The following PTPRQ variants were observed in gnomAD, a reference collection of about 807,000 sequenced individuals.
PTPRQ encodes phosphatidylinositol phosphatase PTPRQ.
Under a neutral mutation model 246.0 loss-of-function variants are expected in PTPRQ, and 199 were observed. The ratio of observed to expected loss-of-function variants is 0.81; its 90% CI spans 0.72 to 0.91. PTPRQ has a LOEUF of 0.91. Ranked by LOEUF, PTPRQ falls within the 40% of genes least tolerant of loss-of-function variation. PTPRQ has a pLI of 0.00. For missense variants in PTPRQ, 2,624 were observed against 2,528.4 expected, an observed-to-expected ratio of 1.04 and a Z score of -0.81; for synonymous variants, 869 against 853.2, an observed-to-expected ratio of 1.02 and a Z score of -0.32.
chr12:80,493,330 GATT>G lies in PTPRQ; in HGVS notation c.1418_1420del (p.Leu473del). ...GTGAACATAGTAGAGCCAATGGTAG[GATT>G]ATATGAGGGTTCAGCAGAGATGTCG... On this transcript the variant is annotated inframe_deletion, in exon 10 of 45. Transcript: ENST00000644991. 6.5e-7 allele frequency: 1 copy of G among 1,549,290 alleles called. No individual in the cohort carries two copies. Among genetic ancestry groups the G allele is most frequent in the Non-Finnish European group, 8.7e-7 (1 of 1,145,530 alleles).
chr12:80,585,055 A>C (rs1294760767), intron 25 of PTPRQ, among the ~76,000 whole-genome samples: 1 of 151,886 alleles, frequency 6.6e-6, no homozygotes, highest in African/African-American at 2.4e-5. Context: ...TGAAATCCAA[A>C]ATTTTAACTG....
At position 80,636,549 on chromosome 12, in the gene PTPRQ, T is replaced by C. The variant is rs113849856; in HGVS notation, c.5915+1476T>C. Among the ~76,000 whole-genome samples the C allele has an allele frequency of 7.9e-3, 1,204 of 152,188 alleles. 14 individuals are homozygous for C. Among genetic ancestry groups the C allele is most frequent in the African/African-American group, 0.027 (1,120 of 41,528 alleles). On this transcript the variant is annotated intron_variant, in intron 35 of 44. Transcript: ENST00000644991. ...TTCCTTTTGCCCCTCCTCAGGCCTGTGTGGCCCATCCCTTTATTCTACAAC... is the reference window on the plus strand; with the variant it reads ...TTCCTTTTGCCCCTCCTCAGGCCTGCGTGGCCCATCCCTTTATTCTACAAC...
At chr12:80,524,866 C>G (rs955998802) in intron 17 of PTPRQ, among the ~76,000 whole-genome samples, 1 of 152,116 alleles carries the variant, frequency 6.6e-6, no homozygotes, top group Admixed American at 6.6e-5. Flanking sequence ...TCAAATTATG[C>G]TTTTACTACA....
chr12:80,448,534 C>T, intron 3 of PTPRQ, among the ~76,000 whole-genome samples: 1 of 151,724 alleles, frequency 6.6e-6, no homozygotes, highest in Non-Finnish European at 1.5e-5. Flanking sequence ...CTCCCCCCAC[C>T]CCACAACAGT....
At chr12:80,459,541 A>C (rs941016361) in intron 5 of PTPRQ, 58 bp downstream of exon 5, 1 of 397,776 alleles carries the variant, frequency 2.5e-6, no homozygotes, top group African/African-American at 2.1e-5. Flanking sequence ...TTTAATTTTC[A>C]TATTTCTAGC....
intron 17 of PTPRQ, chr12:80,512,498 G>C (rs956548860): frequency 6.6e-6 from 1 of 152,072 alleles, no homozygotes; most frequent in Non-Finnish European, 1.5e-5. Context: ...AATGTCTAAA[G>C]GTACCAGGAT....
intron 38 of PTPRQ, among the ~76,000 whole-genome samples, chr12:80,655,413 T>C (rs566862779): frequency 6.6e-6 from 1 of 152,310 alleles, no homozygotes; most frequent in African/African-American, 2.4e-5. Context: ...TCATTTCCTT[T>C]TAAGAGCTGC....
At chr12:80,530,516 T>C (rs908330322) in intron 17 of PTPRQ, among the ~76,000 whole-genome samples, 6 of 152,204 alleles carry the variant, frequency 3.9e-5, no homozygotes, top group Admixed American at 1.3e-4. Flanking sequence ...GTCTAACGAA[T>C]GGTGTCTAAA....
In PTPRQ at chr12:80,632,063, T is replaced by G. The variant is rs1186932137; in HGVS notation, c.5687-129T>G. The G allele has an allele frequency of 2.4e-6, 3 of 1,250,108 alleles. No homozygotes were observed. In the Admixed American group the frequency reaches 8.8e-5, roughly 37 times the overall value. 77.4% of individuals were successfully genotyped at this position (1,250,108 alleles called of 1,614,324 possible). On this transcript the variant is annotated intron_variant, in intron 33 of 44. Transcript: ENST00000644991. ...TCTAGGAGAAGAGGAACAAACAAGC[T>G]GCTACATTTTACTAGTATTCTTCAG...
At position 80,613,491 on chromosome 12, in the gene PTPRQ, G is replaced by A. The variant is rs375290279; in HGVS notation, c.4919-101G>A. 4.1e-6 allele frequency: 5 copies of A among 1,225,180 alleles called. No homozygotes were observed. In the African/African-American group the frequency reaches 7.8e-5, roughly 19 times the overall value. 75.9% of individuals were successfully genotyped at this position (1,225,180 alleles called of 1,614,324 possible). On this transcript the variant is annotated intron_variant, in intron 28 of 44. Coordinates refer to ENST00000644991, the MANE Select transcript of PTPRQ (RefSeq NM_001145026.2). The stretch of plus-strand genomic sequence containing the variant: ...TGCAGTTTATATGGTTTAATTTGTG[G>A]AATACTCTTTAAAAACAGAAGTTCA...
intron 25 of PTPRQ, among the ~76,000 whole-genome samples, chr12:80,582,208 A>G (rs749383978): frequency 1.3e-5 from 2 of 152,134 alleles, no homozygotes; most frequent in Non-Finnish European, 2.9e-5. Flanking sequence ...AACTCCAAAC[A>G]CTGAAGAAAA....
chr12:80,499,968 C>T (rs1265563851), intron 14 of PTPRQ, among the ~76,000 whole-genome samples: 6 of 151,988 alleles, frequency 3.9e-5, no homozygotes, highest in South Asian at 4.1e-4. Flanking sequence ...ACACAACCAT[C>T]TTTACTGTAA....
chr12:80,610,522 CA>C lies in PTPRQ; in HGVS notation c.4816del (p.Thr1606GlnfsTer5). 6.5e-7 allele frequency: 1 copy of C among 1,534,422 alleles called. No homozygotes were observed. ...TIEIKDLEIF[T>X]RYSVVITAFT... is the part of the protein sequence containing the mutation. ...TAGAAATTAAAGATTTAGAAATATTCACAAGGTATTCTGTAGTGATCACTGC... is the reference window on the plus strand; with the variant it reads ...TAGAAATTAAAGATTTAGAAATATTCCAAGGTATTCTGTAGTGATCACTGC... On this transcript the variant is annotated frameshift_variant, in exon 28 of 45. Transcript: ENST00000644991. LOFTEE classifies it high-confidence loss of function.
chr12:80,477,702 T>C (rs1256118514), intron 8 of PTPRQ, among the ~76,000 whole-genome samples: 4 of 152,158 alleles, frequency 2.6e-5, no homozygotes, highest in Non-Finnish European at 5.9e-5. Context: ...GGGCGAGGCA[T>C]TGCCTCACTC....
chr12:80,602,058 G>A (rs1898163174), intron 26 of PTPRQ, among the ~76,000 whole-genome samples: 1 of 151,542 alleles, frequency 6.6e-6, no homozygotes. Context: ...CTCTCCCCTG[G>A]ATGTTTTCTT....
At chr12:80,488,343 C>G (rs893185933) in intron 9 of PTPRQ, among the ~76,000 whole-genome samples, 3 of 151,918 alleles carry the variant, frequency 2.0e-5, no homozygotes, top group Non-Finnish European at 4.4e-5. Context: ...CCCCAGCCTA[C>G]TATTTTATAT....
intron 14 of PTPRQ, among the ~76,000 whole-genome samples, chr12:80,498,805 T>G (rs1000062633): frequency 1.3e-5 from 2 of 152,186 alleles, no homozygotes; most frequent in South Asian, 4.1e-4. Context: ...TAAGTGGCCA[T>G]AGCATCAAGA....
chr12:80,458,663 G>A (rs1484869200), intron 4 of PTPRQ, among the ~76,000 whole-genome samples: 2 of 151,500 alleles, frequency 1.3e-5, no homozygotes, highest in African/African-American at 4.8e-5. Flanking sequence ...TTTACCATGA[G>A]GTTAATGGGA....
At position 80,605,076 on chromosome 12, in the gene PTPRQ, G is replaced by T; in HGVS notation, c.4627G>T (p.Glu1543Ter). 1.3e-6 allele frequency: 2 copies of T among 1,542,258 alleles called. No individual in the cohort carries two copies. Among genetic ancestry groups the T allele is most frequent in the Non-Finnish European group, 1.8e-6 (2 of 1,141,908 alleles). The part of the protein sequence containing the change: ...TLPGPPDGPP[E>*]NVHVVATSPF... ...TGTCATAGCTCCAGATGGTCCTCCT[G>T]AAAATGTTCATGTAGTAGCAACATC... The change falls in exon 27 of 45, where the codon GAA becomes TAA. Residue 1543 changes from glutamate to a stop codon, truncating the protein, a stop_gained. Transcript: ENST00000644991. LOFTEE classifies it high-confidence loss of function.
Sources: gnomAD v4.1 joint callset for allele counts (sites outside exome capture counted in the v4.1 genomes callset) on GRCh38, gnomAD v4.1.1 for gene constraint, MANE v1.5 for transcripts, NCBI Gene and HGNC (gene_info 2026-07-23, HGNC 2026-07-21) for gene names.